Variants in LRMDA observed in about 807,000 individuals in gnomAD.
LRMDA encodes the protein leucine-rich melanocyte differentiation-associated protein.
Under a neutral mutation model 29.8 loss-of-function variants are expected in LRMDA, and 18 were observed. The observed-to-expected ratio is 0.60, with a 90% CI of 0.42 to 0.90. The LOEUF (loss-of-function observed/expected upper bound fraction) is 0.90. Ranked by LOEUF, LRMDA falls within the 40% of genes least tolerant of loss-of-function variation. LRMDA has a pLI of 0.00. For synonymous variants in LRMDA, 125 were observed against 109.4 expected, an observed-to-expected ratio of 1.14 and a Z score of -0.89; for missense variants, 273 against 273.9, an observed-to-expected ratio of 1.00 and a Z score of 0.02.
At chr10:76,433,228 T>C (rs1842210033) in intron 6 of LRMDA, among the ~76,000 whole-genome samples, 1 of 152,180 alleles carries the variant, frequency 6.6e-6, no homozygotes, top group Admixed American at 6.5e-5. Flanking sequence ...GAGCCGCCAG[T>C]GTAGCTGCTT....
Position 76,343,563 on chromosome 10 carries a change from G to A in LRMDA, c.601+19078G>A, listed in dbSNP as rs375193948. Among the ~76,000 whole-genome samples, 12 of 152,152 alleles carry A rather than the reference G, an allele frequency of 7.9e-5. No individual in the cohort carries two copies. The East Asian group carries it at 1.5e-3, about 20-fold the overall frequency. ...AAAGGCTTTGGCCAAAAATTTTATA[G>A]CCATTCTTGATAAAAAGCATTCAAA... is the stretch of plus-strand genomic sequence containing the variant. On this transcript the variant is annotated intron_variant, in intron 6 of 6. Coordinates refer to ENST00000611255, the MANE Select transcript of LRMDA (RefSeq NM_001305581.2).
chr10:76,350,080 T>C (rs527800893), intron 6 of LRMDA, among the ~76,000 whole-genome samples: 5 of 152,100 alleles, frequency 3.3e-5, no homozygotes, highest in African/African-American at 1.2e-4. Flanking sequence ...CAAAACACTG[T>C]TGTAAAAGGG....
At chr10:76,088,516 A>G (rs933355873) in intron 5 of LRMDA, among the ~76,000 whole-genome samples, 1 of 152,228 alleles carries the variant, frequency 6.6e-6, no homozygotes, top group African/African-American at 2.4e-5. Flanking sequence ...GAAAGAAATG[A>G]GAATTAGAAA....
intron 5 of LRMDA, among the ~76,000 whole-genome samples, chr10:76,281,412 T>G (rs1316165411): frequency 6.6e-6 from 1 of 152,202 alleles, no homozygotes; most frequent in Non-Finnish European, 1.5e-5. Flanking sequence ...TGGAGGACCT[T>G]GAGTGCCCTC....
Position 76,256,658 on chromosome 10 carries a change from A to G in LRMDA, c.517-67743A>G, listed in dbSNP as rs185283365. On this transcript the variant is annotated intron_variant, in intron 5 of 6. Transcript: ENST00000611255. Reference sequence around the variant, plus strand: ...ACTCATCTCTGGAAAAAAGCTGTCAATCTAAGTTCTAAGTAATTGCCAGGA... The same window carrying G: ...ACTCATCTCTGGAAAAAAGCTGTCAGTCTAAGTTCTAAGTAATTGCCAGGA... Among the ~76,000 whole-genome samples the G allele has an allele frequency of 5.6e-4, 86 of 152,366 alleles. No homozygotes were observed. The Middle Eastern group carries it at 0.014, about 24-fold the overall frequency.
chr10:76,107,131 A>T (rs1392611586), intron 5 of LRMDA, among the ~76,000 whole-genome samples: 4 of 152,144 alleles, frequency 2.6e-5, no homozygotes, highest in Non-Finnish European at 4.4e-5. Flanking sequence ...CACATGGCTG[A>T]TCAGTTGCTC....
At chr10:75,851,048 G>A (rs1314688553) in intron 2 of LRMDA, among the ~76,000 whole-genome samples, 1 of 152,160 alleles carries the variant, frequency 6.6e-6, no homozygotes, top group Non-Finnish European at 1.5e-5. Flanking sequence ...GGTGGTTGTT[G>A]TTGTTCAACA....
chr10:75,514,487 G>A (rs1517), intron 2 of LRMDA, among the ~76,000 whole-genome samples: 36,836 of 151,614 alleles, frequency 0.24, 4,640 homozygotes, highest in Non-Finnish European at 0.27. Flanking sequence ...TTGGAGATAT[G>A]TCCCCTCCAA....
At chr10:75,488,790 G>A (rs1844947472) in intron 2 of LRMDA, among the ~76,000 whole-genome samples, 1 of 152,124 alleles carries the variant, frequency 6.6e-6, no homozygotes, top group African/African-American at 2.4e-5. Flanking sequence ...TGTGGCTGAG[G>A]GTGGGTATGG....
At chr10:76,527,453 AT>A (rs1303506160) in intron 6 of LRMDA, among the ~76,000 whole-genome samples, 1 of 151,992 alleles carries the variant, frequency 6.6e-6, no homozygotes, top group African/African-American at 2.4e-5. Flanking sequence ...CAGGGACATG[AT>A]TTTTTTTCCC....
At chr10:76,521,627 G>A (rs1198617330) in intron 6 of LRMDA, among the ~76,000 whole-genome samples, 1 of 152,190 alleles carries the variant, frequency 6.6e-6, no homozygotes, top group Admixed American at 6.5e-5. Context: ...GGGGAGAGAA[G>A]CGAAAAGCAT....
chr10:75,465,678 A>T (rs1844641219), intron 2 of LRMDA, among the ~76,000 whole-genome samples: 1 of 152,228 alleles, frequency 6.6e-6, no homozygotes, highest in African/African-American at 2.4e-5. Flanking sequence ...AAAAATCTGA[A>T]GTGGCCATGG....
At chr10:76,204,197 A>G (rs549325667) in intron 5 of LRMDA, among the ~76,000 whole-genome samples, 3 of 122,616 alleles carry the variant, frequency 2.4e-5, no homozygotes, top group Admixed American at 8.9e-5. Context: ...ACCCATCTCT[A>G]TTCCATGTGC....
chr10:76,149,085 G>A (rs947114226), intron 5 of LRMDA, among the ~76,000 whole-genome samples: 1 of 152,064 alleles, frequency 6.6e-6, no homozygotes, highest in Non-Finnish European at 1.5e-5. Flanking sequence ...TTATTTTTGA[G>A]GACAATTAAG....
At chr10:75,563,547 G>T (rs189642113) in intron 2 of LRMDA, among the ~76,000 whole-genome samples, 2 of 152,148 alleles carry the variant, frequency 1.3e-5, no homozygotes, top group Non-Finnish European at 2.9e-5. Flanking sequence ...GTCATTCTCC[G>T]TCCAGCTTTG....
chr10:75,754,279 C>T (rs1843001166), intron 2 of LRMDA, among the ~76,000 whole-genome samples: 1 of 152,164 alleles, frequency 6.6e-6, no homozygotes, highest in Non-Finnish European at 1.5e-5. Flanking sequence ...TTAATTCATG[C>T]TTCTGTTATG....
chr10:76,337,717 C>A (rs551926228), intron 6 of LRMDA, among the ~76,000 whole-genome samples: 176 of 152,138 alleles, frequency 1.2e-3, no homozygotes, highest in African/African-American at 3.9e-3. Flanking sequence ...GATGGTGATT[C>A]ATGAATCAGG....
chr10:76,402,047 G>GCT (rs1554818569), intron 6 of LRMDA, among the ~76,000 whole-genome samples: 2 of 152,120 alleles, frequency 1.3e-5, no homozygotes, highest in Non-Finnish European at 2.9e-5. Context: ...GAGGTGATAT[G>GCT]CTGGTGAGTC....
intron 6 of LRMDA, among the ~76,000 whole-genome samples, chr10:76,534,766 T>A (rs7081270): frequency 0.33 from 49,705 of 151,632 alleles, 8,635 homozygotes; most frequent in African/African-American, 0.37. Flanking sequence ...GGGGGTATAT[T>A]GACAAAGATT....
Sources: gnomAD v4.1 joint callset for allele counts (sites outside exome capture counted in the v4.1 genomes callset) on GRCh38, gnomAD v4.1.1 for gene constraint, MANE v1.5 for transcripts, NCBI Gene and HGNC (gene_info 2026-07-23, HGNC 2026-07-21) for gene names.